Variants in PLSCR2 observed in about 807,000 individuals in gnomAD.
PLSCR2 encodes the protein phospholipid scramblase 2, also known as PL scramblase 2.
A neutral mutation model predicts 25.3 loss-of-function variants in PLSCR2; 18 were observed. The observed-to-expected ratio is 0.71, with a 90% CI of 0.49 to 1.06. The LOEUF is 1.06. Among genes scored for constraint, PLSCR2 ranks in the 50% least tolerant of loss-of-function variants. The pLI, the probability that PLSCR2 is intolerant of heterozygous loss-of-function variation, is 0.00. For missense variants in PLSCR2, 243 were observed against 269.5 expected (o/e 0.90, Z 0.69); for synonymous variants, 88 against 87.3 (o/e 1.01, Z -0.04).
intron 1 of PLSCR2, among the ~76,000 whole-genome samples, chr3:146,488,369 A>G (rs1162120140): frequency 6.6e-6 from 1 of 152,198 alleles, no homozygotes. Flanking sequence ...AGCAAAAGAA[A>G]TTAGCATCAG....
chr3:146,397,916 T>G (rs1393681975), intron 2 of PLSCR2, among the ~76,000 whole-genome samples: 1 of 152,010 alleles, frequency 6.6e-6, no homozygotes, highest in Non-Finnish European at 1.5e-5. Flanking sequence ...TATATGCAGA[T>G]GCCAGTAAGA....
intron 6 of PLSCR2, among the ~76,000 whole-genome samples, chr3:146,446,816 T>C (rs964571880): frequency 3.9e-5 from 6 of 152,070 alleles, no homozygotes; most frequent in Non-Finnish European, 8.8e-5. Flanking sequence ...TTGGGAACCT[T>C]AGGAATCTAC....
chr3:146,477,814 G>A lies in PLSCR2; in HGVS notation c.-292-17530C>T, dbSNP rs141414874. Among the ~76,000 whole-genome samples, 416 of 152,320 alleles carry A rather than the reference G, an allele frequency of 2.7e-3. 3 individuals carry two copies. The highest frequency in any genetic ancestry group is 9.6e-3 in the African/African-American group (401 of 41,574). On this transcript the variant is annotated intron_variant, in intron 1 of 8. Transcript: ENST00000336685. Reference sequence around the variant, plus strand: ...TCTCTGACCCTCGTGTAGCCTAACTGGGAGACACCTCCCAGTAGGGGCTGA... The same window carrying A: ...TCTCTGACCCTCGTGTAGCCTAACTAGGAGACACCTCCCAGTAGGGGCTGA...
intron 6 of PLSCR2, among the ~76,000 whole-genome samples, chr3:146,448,655 G>A (rs934325057): frequency 6.6e-6 from 1 of 152,176 alleles, no homozygotes; most frequent in African/African-American, 2.4e-5. Context: ...TTCTTGTTTA[G>A]TTGAAGTGGG....
chr3:146,495,939 A>G (rs2043732452), upstream of PLSCR2: 1 of 1,533,904 alleles, frequency 6.5e-7, no homozygotes, highest in African/African-American at 1.4e-5. Context: ...TTCGGCCCAC[A>G]ATCCAGAGTC....
Position 146,454,035 on chromosome 3 carries a change from G to A in PLSCR2, c.450C>T (p.Ile150=), listed in dbSNP as rs758907306. ...CAACACCCGCAATACAGCTGCACAC[G>A]ATACATGGACCACTAATTTTTAGTA... The change falls in exon 5 of 7, where the codon ATC becomes ATT. Residue 150 remains isoleucine, a synonymous_variant. Coordinates refer to ENST00000610787, the Ensembl canonical transcript of PLSCR2. The A allele has an allele frequency of 1.6e-5, 26 of 1,602,358 alleles. 1 individual carries two copies. Among genetic ancestry groups the A allele is most frequent in the Middle Eastern group, 1.7e-4 (1 of 6,036 alleles).
At chr3:146,470,925 G>A (rs906479554) in intron 1 of PLSCR2, among the ~76,000 whole-genome samples, 34 of 152,162 alleles carry the variant, frequency 2.2e-4, no homozygotes, top group Non-Finnish European at 7.3e-5. Context: ...TTTTTATGAT[G>A]ATTAAGGAAG....
At chr3:146,487,964 A>G (rs1260369557) in intron 1 of PLSCR2, among the ~76,000 whole-genome samples, 1 of 152,180 alleles carries the variant, frequency 6.6e-6, no homozygotes, top group African/African-American at 2.4e-5. Context: ...AGGTACTGGT[A>G]CCAAAACAGA....
At chr3:146,464,180 G>C (rs1293528720), upstream of PLSCR2, among the ~76,000 whole-genome samples, 2 of 152,146 alleles carry the variant, frequency 1.3e-5, no homozygotes, top group Non-Finnish European at 2.9e-5. Flanking sequence ...CAATAAGCTA[G>C]TAAACATGTG....
At chr3:146,427,464 A>G (rs912941456) in intron 2 of PLSCR2, among the ~76,000 whole-genome samples, 9 of 152,152 alleles carry the variant, frequency 5.9e-5, no homozygotes, top group Non-Finnish European at 1.3e-4. Context: ...AGATGGGTGA[A>G]CTTCTTAACA....
chr3:146,457,070 C>A (rs1203905962), intron 3 of PLSCR2, among the ~76,000 whole-genome samples: 2 of 152,046 alleles, frequency 1.3e-5, no homozygotes, highest in Admixed American at 1.3e-4. Flanking sequence ...CTTAATTTAG[C>A]CAAACTACAA....
At chr3:146,451,406 C>T (rs1324167719) in intron 5 of PLSCR2, among the ~76,000 whole-genome samples, 1 of 152,068 alleles carries the variant, frequency 6.6e-6, no homozygotes, top group Non-Finnish European at 1.5e-5. Context: ...CCACCGTGCC[C>T]GGCCTACATT....
chr3:146,486,066 G>C (rs967307276), intron 1 of PLSCR2, among the ~76,000 whole-genome samples: 17 of 151,794 alleles, frequency 1.1e-4, no homozygotes, highest in Non-Finnish European at 1.2e-4. Context: ...GAGCCAAACT[G>C]TATCAGTAAA....
chr3:146,467,751 T>C (rs76649558), intron 1 of PLSCR2, among the ~76,000 whole-genome samples: 87 of 152,124 alleles, frequency 5.7e-4, no homozygotes, highest in Non-Finnish European at 1.1e-3. Flanking sequence ...GGTGGCATTG[T>C]CAGGAAAGTC....
chr3:146,429,487 A>G (rs1314125016), downstream of PLSCR2, among the ~76,000 whole-genome samples: 1 of 152,166 alleles, frequency 6.6e-6, no homozygotes, highest in Non-Finnish European at 1.5e-5. Flanking sequence ...ACTTTGTGGA[A>G]GGTTGAACTT....
chr3:146,448,239 T>C (rs2040679175), intron 6 of PLSCR2, among the ~76,000 whole-genome samples: 1 of 152,240 alleles, frequency 6.6e-6, no homozygotes, highest in African/African-American at 2.4e-5. Context: ...GGGATAATTC[T>C]CAGAGCCTTC....
At chr3:146,480,475 C>A (rs1216338657) in intron 1 of PLSCR2, among the ~76,000 whole-genome samples, 1 of 152,124 alleles carries the variant, frequency 6.6e-6, no homozygotes, top group Non-Finnish European at 1.5e-5. Flanking sequence ...CGAAAATAAA[C>A]TAGAAAATCT....
chr3:146,446,543 G>A (rs1290441882), intron 6 of PLSCR2, among the ~76,000 whole-genome samples: 2 of 152,086 alleles, frequency 1.3e-5, no homozygotes, highest in Non-Finnish European at 2.9e-5. Flanking sequence ...GCCTAGATCT[G>A]GGGGAAGGGT....
intron 6 of PLSCR2, among the ~76,000 whole-genome samples, chr3:146,445,331 C>T (rs2040485064): frequency 6.6e-6 from 1 of 152,092 alleles, no homozygotes; most frequent in Non-Finnish European, 1.5e-5. Context: ...TTTAGTATTT[C>T]TTGTAGGACA....
Sources: gnomAD v4.1 joint callset for allele counts (sites outside exome capture counted in the v4.1 genomes callset) on GRCh38, gnomAD v4.1.1 for gene constraint, MANE v1.5 for transcripts, NCBI Gene and HGNC (gene_info 2026-07-23, HGNC 2026-07-21) for gene names.